The following DNAH5 variants were observed in gnomAD, a reference collection of about 807,000 sequenced individuals.
DNAH5 encodes axonemal beta dynein heavy chain 5.
A neutral mutation model predicts 518.2 loss-of-function variants in DNAH5; 372 were observed. That is an observed-to-expected ratio of 0.72 (90% CI 0.66 to 0.78). The LOEUF (loss-of-function observed/expected upper bound fraction) is 0.78, where lower values mean the gene tolerates loss of function less well. DNAH5 is among the 30% of genes least tolerant of loss of function. The pLI is 0.00. For synonymous variants in DNAH5, 2,039 were observed against 2,025.9 expected, an observed-to-expected ratio of 1.01 and a Z score of -0.17; for missense variants, 5,523 against 5,687.0, an observed-to-expected ratio of 0.97 and a Z score of 0.93.
intron 1 of DNAH5, among the ~76,000 whole-genome samples, chr5:13,980,451 C>T (rs1199844549): frequency 2.0e-5 from 3 of 152,182 alleles, no homozygotes; most frequent in Admixed American, 6.5e-5. Flanking sequence ...TGTGCCATTT[C>T]CGTCCCAAAC....
rs777221759 is a variant in DNAH5, at chr5:13,871,788, T to C, written c.3397-23A>G. The C allele has an allele frequency of 6.9e-6, 11 of 1,601,048 alleles. No individual in the cohort carries two copies. The African/African-American group carries it at 8.0e-5, about 12-fold the overall frequency. Reference sequence around the variant, plus strand: ...TTCCTGAATGCAAATAACAGATTTATGTTAAGAAGGAAGAATCTGAAAGGC... The same window carrying C: ...TTCCTGAATGCAAATAACAGATTTACGTTAAGAAGGAAGAATCTGAAAGGC... On this transcript the variant is annotated intron_variant, in intron 22 of 78. Coordinates refer to ENST00000265104, the MANE Select transcript of DNAH5 (RefSeq NM_001369.3).
chr5:13,713,466 T>TATATATATATATATAC (rs1158251022), intron 75 of DNAH5, among the ~76,000 whole-genome samples: 1 of 98,322 alleles, frequency 1.0e-5, no homozygotes, highest in African/African-American at 4.8e-5. Flanking sequence ...TATATATATA[T>TATATATATATATATAC]ACACACACCG....
At chr5:13,758,366 A>C (rs1001486478) in intron 61 of DNAH5, among the ~76,000 whole-genome samples, 1 of 152,080 alleles carries the variant, frequency 6.6e-6, no homozygotes, top group African/African-American at 2.4e-5. Flanking sequence ...ATGGTGGTGC[A>C]TGTCTGTAGT....
At chr5:13,844,692 C>A in intron 32 of DNAH5, 145 bp downstream of exon 32, 1 of 972,636 alleles carries the variant, frequency 1.0e-6, no homozygotes, top group South Asian at 1.3e-5. Flanking sequence ...TAAATTGGGC[C>A]CCGAGATTTG....
intron 1 of DNAH5, among the ~76,000 whole-genome samples, chr5:14,003,622 T>C (rs1216252254): frequency 2.0e-5 from 3 of 152,240 alleles, no homozygotes; most frequent in African/African-American, 7.2e-5. Context: ...CTTGACATTC[T>C]TCCCATTGAG....
At chr5:13,942,212 T>C (rs1210689875) in intron 1 of DNAH5, among the ~76,000 whole-genome samples, 1 of 150,660 alleles carries the variant, frequency 6.6e-6, no homozygotes, top group Non-Finnish European at 1.5e-5. Context: ...TTGTTTATGG[T>C]ACATTTGGTT....
In DNAH5 at chr5:13,882,824, T is replaced by C. The variant is rs2151938218; in HGVS notation, c.3175-9A>G. On this transcript the variant is annotated splice_polypyrimidine_tract_variant and intron_variant, in intron 20 of 78. Coordinates refer to ENST00000265104, the MANE Select transcript of DNAH5 (RefSeq NM_001369.3). Reference sequence around the variant, plus strand: ...CTTTCTTGTATCTTTTTCTACAATGTAAAAGGATATTTTTCAGTTCTGTCC... The same window carrying C: ...CTTTCTTGTATCTTTTTCTACAATGCAAAAGGATATTTTTCAGTTCTGTCC... The C allele has an allele frequency of 6.2e-7, 1 of 1,613,704 alleles. No individual in the cohort carries two copies. The highest frequency in any genetic ancestry group is 1.1e-5 in the South Asian group (1 of 91,066).
Position 13,823,353 on chromosome 5 carries a change from G to A in DNAH5, c.6597C>T (p.Pro2199=), listed in dbSNP as rs765602273. The change falls in exon 40 of 79, where the codon CCC becomes CCT. Residue 2199 remains proline (P), a synonymous_variant. Coordinates refer to ENST00000265104, the MANE Select transcript of DNAH5 (RefSeq NM_001369.3). ...NLSKLIDEDE[P]LFLSLIEDLF... Reference sequence around the variant, plus strand: ...GATCTTCAATCAAACTCAAAAACAAGGGTTCATCCTCATCAATCTAAAAAA... The same window carrying A: ...GATCTTCAATCAAACTCAAAAACAAAGGTTCATCCTCATCAATCTAAAAAA... 3 of 1,612,370 alleles carry A rather than the reference G, an allele frequency of 1.9e-6. No individual in the cohort carries two copies. The highest frequency in any genetic ancestry group is 4.5e-5 in the East Asian group (2 of 44,866).
intron 58 of DNAH5, among the ~76,000 whole-genome samples, chr5:13,766,752 A>G (rs1752566168): frequency 1.3e-5 from 2 of 152,360 alleles, no homozygotes; most frequent in East Asian, 1.9e-4. Flanking sequence ...GAAAAGTTCC[A>G]TTCCATTTCT....
Position 13,793,921 on chromosome 5 carries a change from A to C in DNAH5, c.8010+15T>G, listed in dbSNP as rs201977028. The C allele has an allele frequency of 5.6e-6, 9 of 1,613,854 alleles. No homozygotes were observed. In the South Asian group the frequency reaches 8.8e-5, roughly 16 times the overall value. Reference sequence around the variant, plus strand: ...CCAAATTAAAGAAATAAAATGCACAATAGAATGATGATACCTGATCTCCCC... The same window carrying C: ...CCAAATTAAAGAAATAAAATGCACACTAGAATGATGATACCTGATCTCCCC... On this transcript the variant is annotated intron_variant, in intron 48 of 78. Coordinates refer to ENST00000265104, the MANE Select transcript of DNAH5 (RefSeq NM_001369.3).
rs183821696 is a variant in DNAH5 at position 13,959,917 on chromosome 5, G to A, written c.13-28673C>T. Among the ~76,000 whole-genome samples, 140 of 152,108 alleles carry A rather than the reference G, an allele frequency of 9.2e-4. 1 individual carries two copies. Among genetic ancestry groups the A allele is most frequent in the Admixed American group, 2.3e-3 (35 of 15,274 alleles). The stretch of plus-strand genomic sequence containing the variant: ...GGGAGGGTGGAGGTTGCAGTGAGCC[G>A]AGATTGCGCCATTGCACTCCAGCCT... On this transcript the variant is annotated intron_variant, in intron 1 of 78. Transcript: ENST00000681290.
At chr5:13,711,933 A>G (rs1452998954) in intron 75 of DNAH5, among the ~76,000 whole-genome samples, 3 of 152,198 alleles carry the variant, frequency 2.0e-5, no homozygotes, top group Non-Finnish European at 4.4e-5. Flanking sequence ...AAATGACCAC[A>G]CTGCCAAAAG....
At chr5:13,790,656 T>C (rs1047602263) in intron 50 of DNAH5, among the ~76,000 whole-genome samples, 1 of 152,198 alleles carries the variant, frequency 6.6e-6, no homozygotes, top group Non-Finnish European at 1.5e-5. Flanking sequence ...TCCACACTTC[T>C]CCTTCTTGCT....
At chr5:13,737,001 A>G (rs924103747) in intron 66 of DNAH5, among the ~76,000 whole-genome samples, 4 of 152,212 alleles carry the variant, frequency 2.6e-5, no homozygotes, top group Non-Finnish European at 5.9e-5. Flanking sequence ...ACTTTCTAAC[A>G]TCAAAATAAG....
At chr5:13,838,406 C>T (rs1339595707) in intron 35 of DNAH5, among the ~76,000 whole-genome samples, 1 of 152,194 alleles carries the variant, frequency 6.6e-6, no homozygotes, top group African/African-American at 2.4e-5. Flanking sequence ...CCATGGCTCA[C>T]ATAACCGCCT....
At chr5:13,801,117 C>A (rs1458569196) in intron 47 of DNAH5, among the ~76,000 whole-genome samples, 1 of 152,188 alleles carries the variant, frequency 6.6e-6, no homozygotes, top group Non-Finnish European at 1.5e-5. Flanking sequence ...CCACCCAAAT[C>A]TCATGTGGAA....
In DNAH5 at chr5:13,921,482, CACACACA is replaced by C. The variant is rs1561577458; in HGVS notation, c.660+618_660+624del. 6.3e-4 allele frequency among the ~76,000 whole-genome samples: 85 copies of C among 134,496 alleles called. 1 individual carries two copies. Among genetic ancestry groups the C allele is most frequent in the African/African-American group, 1.7e-3 (60 of 35,030 alleles). The allele number at this position is 134,496 out of a possible 152,430, so 88.2% of individuals were successfully genotyped here. ...TCTTGCTCTATCTCTCTCTCACACA[CACACACA>C]CACACACACACACACACACACACAC... On this transcript the variant is annotated intron_variant, in intron 5 of 78. Transcript: ENST00000265104.
At chr5:13,714,309 G>T in intron 75 of DNAH5, 96 bp downstream of exon 75, 1 of 1,319,236 alleles carries the variant, frequency 7.6e-7, no homozygotes. Context: ...TTTAATTTCA[G>T]GAAAATCATT....
intron 22 of DNAH5, among the ~76,000 whole-genome samples, chr5:13,873,304 A>T (rs1420798891): frequency 6.6e-6 from 1 of 152,116 alleles, no homozygotes; most frequent in Non-Finnish European, 1.5e-5. Context: ...CTATAGTGTT[A>T]TTAAATATGT....
Sources: gnomAD v4.1 joint callset for allele counts (sites outside exome capture counted in the v4.1 genomes callset) on GRCh38, gnomAD v4.1.1 for gene constraint, MANE v1.5 for transcripts, NCBI Gene and HGNC (gene_info 2026-07-23, HGNC 2026-07-21) for gene names.